The following USP53 variants were observed in gnomAD, a reference collection of about 807,000 sequenced individuals.
USP53 encodes ubiquitin carboxyl-terminal hydrolase 53.
Under a neutral mutation model 94.9 loss-of-function variants are expected in USP53, and 71 were observed. That is an observed-to-expected ratio of 0.75 (90% CI 0.62 to 0.91). The LOEUF is 0.91. Ranked by LOEUF, USP53 falls within the 40% of genes least tolerant of loss-of-function variation. USP53 has a pLI of 0.00. For missense variants in USP53, 1,173 were observed against 1,281.0 expected (o/e 0.92, Z 1.29); for synonymous variants, 375 against 422.7 (o/e 0.89, Z 1.39).
intron 7 of USP53, among the ~76,000 whole-genome samples, chr4:119,255,717 T>C (rs1412949325): frequency 2.6e-5 from 4 of 152,200 alleles, no homozygotes; most frequent in African/African-American, 7.2e-5. Context: ...GGTGAGGTGA[T>C]GTCCTGCCCT....
intron 17 of USP53, among the ~76,000 whole-genome samples, chr4:119,280,695 A>G (rs1753418414): frequency 2.6e-5 from 4 of 152,328 alleles, no homozygotes; most frequent in Middle Eastern, 3.4e-3. Context: ...ATGCAATGGT[A>G]GTATCTTCAA....
At chr4:119,268,864 C>T (rs1269025705) in intron 14 of USP53, among the ~76,000 whole-genome samples, 1 of 152,170 alleles carries the variant, frequency 6.6e-6, no homozygotes, top group Non-Finnish European at 1.5e-5. Flanking sequence ...TTACTGTTAT[C>T]CCATAACTAA....
chr4:119,288,939 A>T (rs1754419884), intron 17 of USP53, among the ~76,000 whole-genome samples: 1 of 10,558 alleles, frequency 9.5e-5, no homozygotes, highest in Non-Finnish European at 2.8e-4. Flanking sequence ...ACTCTGTCTC[A>T]AAAAAAAAAA....
chr4:119,284,176 T>C (rs989315699), intron 17 of USP53, among the ~76,000 whole-genome samples: 1 of 151,586 alleles, frequency 6.6e-6, no homozygotes, highest in Non-Finnish European at 1.5e-5. Context: ...TAGCATTTAT[T>C]AGTGGTATAG....
chr4:119,260,456 T>C (rs1450774611), intron 10 of USP53, 51 bp from the exon 11 acceptor site: 1 of 1,546,122 alleles, frequency 6.5e-7, no homozygotes, highest in East Asian at 2.3e-5. Context: ...TGTGTAAGGC[T>C]GCCTGGTTTA....
Position 119,269,777 on chromosome 4 carries a change from C to G in USP53, c.1375C>G (p.Leu459Val). ...GAAAGCTATTGAACAGAAAAACTTACTTTCTTCACAAAGGAAAGATTTAGA... is the reference window on the plus strand; with the variant it reads ...GAAAGCTATTGAACAGAAAAACTTAGTTTCTTCACAAAGGAAAGATTTAGA... The part of the protein sequence containing the change: ...ALKAIEQKNL[L>V]SSQRKDLEKG... The change falls in exon 15 of 19, where the codon CTT becomes GTT. Residue 459 changes from leucine (L) to valine (V), a missense_variant. Coordinates refer to ENST00000692078, the MANE Select transcript of USP53 (RefSeq NM_001371395.1). 1.3e-6 allele frequency: 2 copies of G among 1,516,874 alleles called. No homozygotes were observed. The highest frequency in any genetic ancestry group is 2.5e-5 in the East Asian group (1 of 40,316). 94.0% of individuals were successfully genotyped at this position (1,516,874 alleles called of 1,614,324 possible). A position where few individuals can be genotyped will look rare whatever the true frequency, so the allele number is the denominator to read the frequency against.
intron 2 of USP53, among the ~76,000 whole-genome samples, chr4:119,215,899 G>T (rs188690831): frequency 1.1e-4 from 17 of 152,074 alleles, no homozygotes; most frequent in Non-Finnish European, 2.1e-4. Context: ...TGGTATTTTT[G>T]AATTAATTTG....
At chr4:119,252,626 CTTCT>C (rs1749180789) in intron 7 of USP53, among the ~76,000 whole-genome samples, 1 of 151,950 alleles carries the variant, frequency 6.6e-6, no homozygotes, top group Non-Finnish European at 1.5e-5. Context: ...GCTCTCTTTT[CTTCT>C]TTATTAGTTT....
intron 15 of USP53, among the ~76,000 whole-genome samples, chr4:119,270,690 G>A (rs1751744899): frequency 6.6e-6 from 1 of 151,996 alleles, no homozygotes; most frequent in Admixed American, 6.6e-5. Flanking sequence ...TTTTCTTTAT[G>A]GACAGAGCAT....
rs756774931 is a variant in USP53, at chr4:119,293,204, T to A, written c.3215T>A (p.Leu1072Gln). ...PESSGFCNNS[L>Q]S ...AGCAGTGGCTTTTGTAATAATTCACTATCTTAGAGTGAAAAAGGACTAGAC... is the reference window on the plus strand; with the variant it reads ...AGCAGTGGCTTTTGTAATAATTCACAATCTTAGAGTGAAAAAGGACTAGAC... The change falls in exon 19 of 19, where the codon CTA (leucine) becomes CAA (glutamine). Residue 1072 changes from leucine (L) to glutamine (Q), a missense_variant. By Grantham distance (113) the Leu-to-Gln change is moderately radical (BLOSUM62 -2). Transcript: ENST00000692078. 1 of 1,587,810 alleles carries A rather than the reference T, an allele frequency of 6.3e-7. No homozygotes were observed. The highest frequency in any genetic ancestry group is 8.5e-7 in the Non-Finnish European group (1 of 1,173,674).
At chr4:119,212,630 T>C, upstream of USP53, 2 of 384,130 alleles carry the variant, frequency 5.2e-6, no homozygotes, top group South Asian at 3.7e-5. Context: ...CTGGCCTGAC[T>C]GGTCCCTGGG....
intron 17 of USP53, among the ~76,000 whole-genome samples, chr4:119,280,519 A>T (rs1049145704): frequency 1.3e-5 from 2 of 152,156 alleles, no homozygotes; most frequent in Non-Finnish European, 2.9e-5. Flanking sequence ...ATAAAAAGAG[A>T]ATGGTCCATT....
chr4:119,241,316 A>G (rs953121274), intron 5 of USP53, among the ~76,000 whole-genome samples: 3 of 152,120 alleles, frequency 2.0e-5, no homozygotes, highest in Non-Finnish European at 4.4e-5. Context: ...CATATTTGCC[A>G]TTTCTGGTGC....
rs371738443 is a variant in USP53 at position 119,218,808 on chromosome 4, ACT to A, written c.-665+1138_-665+1139del. ...TTTTGTATTACTTCAACTTGGTATA[ACT>A]CTTCTGTTTGCTATCTAGTTATCTA... On this transcript the variant is annotated intron_variant, in intron 3 of 18. Transcript: ENST00000692078. 1.2e-3 allele frequency: 185 copies of A among 152,178 alleles called. 1 individual carries two copies. Among genetic ancestry groups the A allele is most frequent in the African/African-American group, 4.2e-3 (174 of 41,546 alleles). The allele number at this position is 152,178 out of a possible 1,614,324, so 9.4% of individuals were successfully genotyped here.
In USP53 at chr4:119,245,442, T is replaced by C; in HGVS notation, c.237+13T>C. 1.2e-6 allele frequency: 2 copies of C among 1,610,624 alleles called. No individual in the cohort carries two copies. Among genetic ancestry groups the C allele is most frequent in the Non-Finnish European group, 1.7e-6 (2 of 1,177,766 alleles). ...TTGTGCATTGAAGGTAACCTTTTAA[T>C]AGCTCTGAAAAACTACTATCAATTG... On this transcript the variant is annotated intron_variant, in intron 6 of 18. Coordinates refer to ENST00000692078, the MANE Select transcript of USP53 (RefSeq NM_001371395.1).
chr4:119,250,219 C>G (rs1484546728), intron 7 of USP53, among the ~76,000 whole-genome samples: 1 of 152,004 alleles, frequency 6.6e-6, no homozygotes, highest in Non-Finnish European at 1.5e-5. Context: ...TACTAGCAGC[C>G]TTTGCTCAAG....
chr4:119,232,510 C>T (rs1182562088), intron 3 of USP53, among the ~76,000 whole-genome samples: 2 of 152,154 alleles, frequency 1.3e-5, no homozygotes, highest in African/African-American at 4.8e-5. Flanking sequence ...TATGAATATA[C>T]ATAACACATT....
intron 3 of USP53, chr4:119,217,961 T>A (rs1476111347): frequency 6.6e-6 from 1 of 152,188 alleles, no homozygotes; most frequent in Non-Finnish European, 1.5e-5. Flanking sequence ...GATAGTGACA[T>A]TATGATTTAA....
intron 17 of USP53, among the ~76,000 whole-genome samples, chr4:119,280,573 G>A (rs1753405049): frequency 6.6e-6 from 1 of 152,166 alleles, no homozygotes; most frequent in Admixed American, 6.5e-5. Context: ...TTACTGATAA[G>A]TTTATGAGTA....
Sources: gnomAD v4.1 joint callset for allele counts (sites outside exome capture counted in the v4.1 genomes callset) on GRCh38, gnomAD v4.1.1 for gene constraint, MANE v1.5 for transcripts, NCBI Gene and HGNC (gene_info 2026-07-23, HGNC 2026-07-21) for gene names.